MAN1C1: variants seen among roughly 807,000 people sequenced by gnomAD.
The protein encoded by MAN1C1 is mannosidase alpha class 1C member 1, also known as mannosyl-oligosaccharide 1,2-alpha-mannosidase IC.
A neutral mutation model predicts 71.5 loss-of-function variants in MAN1C1; 49 were observed. That is an observed-to-expected ratio of 0.69 (90% CI 0.54 to 0.87). The LOEUF is 0.87. MAN1C1 is among the 40% of genes least tolerant of loss of function. The probability of loss-of-function intolerance (pLI) is 0.00; values close to 1 mark genes in which losing one functional copy is unlikely to be tolerated. For missense variants in MAN1C1, 743 were observed against 835.0 expected (o/e 0.89, Z 1.36); for synonymous variants, 352 against 343.7 (o/e 1.02, Z -0.27).
At chr1:25,767,859 C>T (rs1375695347) in intron 7 of MAN1C1, among the ~76,000 whole-genome samples, 5 of 105,430 alleles carry the variant, frequency 4.7e-5, no homozygotes, top group South Asian at 3.0e-4. Context: ...ACATACACTC[C>T]CCCCACACAC....
At chr1:25,684,892 A>G (rs59074005) in intron 1 of MAN1C1, among the ~76,000 whole-genome samples, 10,653 of 152,322 alleles carry the variant, frequency 0.07, 1,253 homozygotes, top group African/African-American at 0.24. Flanking sequence ...CTGGGCCAGC[A>G]GCAGCACAGG....
intron 8 of MAN1C1, among the ~76,000 whole-genome samples, chr1:25,773,369 G>T (rs75159490): frequency 0.015 from 2,214 of 152,328 alleles, 60 homozygotes; most frequent in African/African-American, 0.05. Context: ...GTGCTTAAAA[G>T]ACACACATTG....
At chr1:25,781,361 T>C (rs754203842) in intron 10 of MAN1C1, 4 of 442,530 alleles carry the variant, frequency 9.0e-6, no homozygotes, top group Non-Finnish European at 1.2e-5. Flanking sequence ...CCTTGGGGCC[T>C]GGGACCAGGC....
Position 25,783,947 on chromosome 1 carries a change from A to G in MAN1C1, c.*158A>G. On this transcript the variant is annotated 3_prime_UTR_variant, in exon 12 of 12. Coordinates refer to ENST00000374332, the MANE Select transcript of MAN1C1 (RefSeq NM_020379.4). ...AACTTCTTTTCCTCTGTGAGGAGAC[A>G]AGACTTGGAGACTCAGCGATGTCAG... 1.0e-6 allele frequency: 1 copy of G among 979,480 alleles called. No individual in the cohort carries two copies. Among genetic ancestry groups the G allele is most frequent in the Non-Finnish European group, 1.5e-6 (1 of 681,326 alleles). The allele number at this position is 979,480 out of a possible 1,614,324, so 60.7% of individuals were successfully genotyped here.
At chr1:25,757,076 G>A (rs1019568061) in intron 5 of MAN1C1, among the ~76,000 whole-genome samples, 15 of 152,262 alleles carry the variant, frequency 9.9e-5, no homozygotes, top group African/African-American at 3.6e-4. Context: ...GCTGGTAAGT[G>A]TCCCTACTTT....
At chr1:25,763,703 C>T in intron 6 of MAN1C1, 171 bp from the exon 7 acceptor site, 3 of 614,228 alleles carry the variant, frequency 4.9e-6, no homozygotes, top group Admixed American at 5.4e-5. Context: ...GGCAAGGCCA[C>T]GTCACCATCC....
At chr1:25,629,922 T>C (rs1429707859) in intron 1 of MAN1C1, among the ~76,000 whole-genome samples, 1 of 152,182 alleles carries the variant, frequency 6.6e-6, no homozygotes, top group Non-Finnish European at 1.5e-5. Flanking sequence ...TATTTTTGTT[T>C]TTATTGCATT....
At chr1:25,743,498 T>A (rs1398484703) in intron 2 of MAN1C1, among the ~76,000 whole-genome samples, 1 of 152,214 alleles carries the variant, frequency 6.6e-6, no homozygotes, top group Non-Finnish European at 1.5e-5. Context: ...GAGTAGCCTC[T>A]GGACTGGAAT....
intron 1 of MAN1C1, among the ~76,000 whole-genome samples, chr1:25,628,210 G>A (rs1034107048): frequency 6.6e-6 from 1 of 151,940 alleles, no homozygotes; most frequent in African/African-American, 2.4e-5. Context: ...GTTCAAGAGA[G>A]CTTTAATGTA....
rs140979943 is a variant in MAN1C1, at chr1:25,627,274, C to G, written c.540+8937C>G. 5.2e-3 allele frequency among the ~76,000 whole-genome samples: 761 copies of G among 146,390 alleles called. 9 individuals are homozygous for G. The highest frequency in any genetic ancestry group is 0.02 in the African/African-American group (731 of 36,754). On this transcript the variant is annotated intron_variant, in intron 1 of 11. Coordinates refer to ENST00000374332, the MANE Select transcript of MAN1C1 (RefSeq NM_020379.4). ...CTTTTCTCTTCTCTTCTCTTCTCTTCTCTTGTCTTCTCTTCTTCTCTTCTC... is the reference window on the plus strand; with the variant it reads ...CTTTTCTCTTCTCTTCTCTTCTCTTGTCTTGTCTTCTCTTCTTCTCTTCTC...
At chr1:25,698,344 A>G (rs1053056306) in intron 2 of MAN1C1, among the ~76,000 whole-genome samples, 1 of 152,182 alleles carries the variant, frequency 6.6e-6, no homozygotes, top group Non-Finnish European at 1.5e-5. Flanking sequence ...GGCAGGGATC[A>G]CGTTTCCTTT....
rs1467418682 is a variant in MAN1C1, at chr1:25,753,301, T to C, written c.835-183T>C. On this transcript the variant is annotated intron_variant, in intron 4 of 11. Coordinates refer to ENST00000374332, the MANE Select transcript of MAN1C1 (RefSeq NM_020379.4). The surrounding 1 kb of genome is among the most constrained non-coding windows in gnomAD (Gnocchi z 4.9). ...CTATTTTATGGACAAAAGCTGAGGC[T>C]CAGAAGTACCTTGCCAAAGTCCACG... Among the ~76,000 whole-genome samples the C allele has an allele frequency of 6.6e-6, 1 of 152,194 alleles. No homozygotes were observed. The highest frequency in any genetic ancestry group is 2.1e-4 in the South Asian group (1 of 4,832).
At position 25,656,156 on chromosome 1, in the gene MAN1C1, G is replaced by A. The variant is rs577948314; in HGVS notation, c.541-30284G>A. On this transcript the variant is annotated intron_variant, in intron 1 of 11. Transcript: ENST00000374332. ...TCTGTCGCCTAGGCTGGAGTGCAGT[G>A]GCATGATCTCGGCTCACTGCAACCT... Among the ~76,000 whole-genome samples the A allele has an allele frequency of 1.2e-4, 17 of 136,146 alleles. No individual in the cohort carries two copies. The South Asian group carries it at 3.9e-3, about 31-fold the overall frequency. The allele number at this position is 136,146 out of a possible 152,430, so 89.3% of individuals were successfully genotyped here.
Position 25,711,959 on chromosome 1 carries a change from C to T in MAN1C1, c.637+25423C>T, listed in dbSNP as rs2046618979. Among the ~76,000 whole-genome samples, 1 of 151,580 alleles carries T rather than the reference C, an allele frequency of 6.6e-6. No individual in the cohort carries two copies. Among genetic ancestry groups the T allele is most frequent in the Admixed American group, 6.6e-5 (1 of 15,240 alleles). The stretch of plus-strand genomic sequence containing the variant: ...GACTCACAGTGAGTGTGTCAGGGAG[C>T]GCCATCCCTCTGCCCAGGCCCTGCT... On this transcript the variant is annotated intron_variant, in intron 2 of 11. Coordinates refer to ENST00000374332, the MANE Select transcript of MAN1C1 (RefSeq NM_020379.4). This position sits in a 1 kb window ranked among gnomAD's most constrained non-coding sequence, Gnocchi z 4.3.
chr1:25,738,596 C>A (rs1047528115), intron 2 of MAN1C1, among the ~76,000 whole-genome samples: 9 of 152,200 alleles, frequency 5.9e-5, no homozygotes, highest in African/African-American at 2.2e-4. Flanking sequence ...CATGTATAGA[C>A]CCTCAGCTGG....
chr1:25,782,777 A>T lies in MAN1C1; in HGVS notation c.1766+77A>T. On this transcript the variant is annotated intron_variant, in intron 11 of 11. Transcript: ENST00000374332. This position sits in a 1 kb window ranked among gnomAD's most constrained non-coding sequence, Gnocchi z 4.4. The stretch of plus-strand genomic sequence containing the variant: ...GGGGTCCGCAGTCCCTCCCCTCCAC[A>T]GTCAGGTTCTGTGGTCACAGGACGG... 1 of 1,094,196 alleles carries T rather than the reference A, an allele frequency of 9.1e-7. No homozygotes were observed. Among genetic ancestry groups the T allele is most frequent in the Non-Finnish European group, 1.4e-6 (1 of 716,596 alleles). The allele number at this position is 1,094,196 out of a possible 1,614,324, so 67.8% of individuals were successfully genotyped here.
At chr1:25,709,275 A>G (rs893730399) in intron 2 of MAN1C1, among the ~76,000 whole-genome samples, 2 of 152,234 alleles carry the variant, frequency 1.3e-5, no homozygotes, top group Non-Finnish European at 2.9e-5. Context: ...AGGAGGCAGT[A>G]AGACCGGCTA....
At chr1:25,665,892 G>C (rs1225948157) in intron 1 of MAN1C1, among the ~76,000 whole-genome samples, 2 of 122,756 alleles carry the variant, frequency 1.6e-5, no homozygotes, top group Non-Finnish European at 3.1e-5. Flanking sequence ...GAAAGCAGCT[G>C]CTCCAGCCAT....
intron 1 of MAN1C1, among the ~76,000 whole-genome samples, chr1:25,656,095 CTTTTTT>C (rs59710145): frequency 2.0e-4 from 15 of 74,978 alleles, no homozygotes; most frequent in African/African-American, 1.1e-3. Flanking sequence ...GATTATCAGT[CTTTTTT>C]TTTTTTTTTT....
Sources: allele counts gnomAD v4.1 joint callset (sites outside exome capture counted in the v4.1 genomes callset), GRCh38; gene constraint gnomAD v4.1.1; non-coding constraint Gnocchi (gnomAD v3.1); transcripts MANE v1.5; gene names NCBI Gene and HGNC (gene_info 2026-07-23, HGNC 2026-07-21).